The following ZFYVE21 variants were observed in gnomAD, a reference collection of about 807,000 sequenced individuals.
The protein encoded by ZFYVE21 is zinc finger FYVE domain-containing protein 21.
Under a neutral mutation model 29.5 loss-of-function variants are expected in ZFYVE21, and 21 were observed. The ratio of observed to expected loss-of-function variants is 0.71; its 90% CI spans 0.50 to 1.02. The LOEUF is 1.02. ZFYVE21 is among the 50% of genes least tolerant of loss of function. The probability of loss-of-function intolerance (pLI) is 0.00; values close to 1 mark genes in which losing one functional copy is unlikely to be tolerated. For synonymous variants in ZFYVE21, 151 were observed against 133.8 expected (o/e 1.13, Z -0.89); for missense variants, 326 against 335.4 (o/e 0.97, Z 0.22).
rs766138021 is a variant in ZFYVE21 at position 103,729,168 on chromosome 14, G to A, written c.512G>A (p.Gly171Asp). The change falls in exon 5 of 7, where the codon GGC becomes GAC. Residue 171 changes from glycine to aspartate, a missense_variant. Gly to Asp is a moderately conservative substitution (Grantham distance 94). Coordinates refer to ENST00000311141, the MANE Select transcript of ZFYVE21 (RefSeq NM_024071.4). ...HISTVQILTE[G>D]FPPGGGNARA... is the part of the protein sequence containing the mutation. ...TCCACCGTGCAGATCCTCACAGAAG[G>A]CTTCCCTCCTGGAGGTAAATGCCAG... is the stretch of plus-strand genomic sequence containing the variant. The A allele has an allele frequency of 1.2e-6, 2 of 1,614,048 alleles. No homozygotes were observed. Among genetic ancestry groups the A allele is most frequent in the South Asian group, 1.1e-5 (1 of 91,074 alleles).
At chr14:103,722,615 C>T (rs768270948) in intron 1 of ZFYVE21, among the ~76,000 whole-genome samples, 3 of 151,960 alleles carry the variant, frequency 2.0e-5, no homozygotes, top group South Asian at 2.1e-4. Context: ...GTCAGGAGAT[C>T]GAGATCATCC....
Position 103,725,010 on chromosome 14 carries a change from C to T in ZFYVE21, c.139-1782C>T, listed in dbSNP as rs1393948642. 6 of 152,262 alleles carry T rather than the reference C, an allele frequency of 3.9e-5. 1 individual carries two copies. The highest frequency in any genetic ancestry group is 4.1e-4 in the South Asian group (2 of 4,832). 9.4% of individuals were successfully genotyped at this position (152,262 alleles called of 1,614,324 possible). A position where few individuals can be genotyped will look rare whatever the true frequency, so the allele number is the denominator to read the frequency against. On this transcript the variant is annotated intron_variant, in intron 1 of 6. Coordinates refer to ENST00000311141, the MANE Select transcript of ZFYVE21 (RefSeq NM_024071.4). ...AAAGGCTGTACCGGCTTACCAAATC[C>T]GGGGACCATTTTCGTGGCAAAAGTG...
At chr14:103,723,451 G>A (rs756617004) in intron 1 of ZFYVE21, among the ~76,000 whole-genome samples, 47 of 152,240 alleles carry the variant, frequency 3.1e-4, no homozygotes, top group Non-Finnish European at 5.3e-4. Context: ...GAAGGCTGGG[G>A]TGGGCCAGGC....
In ZFYVE21 at chr14:103,715,828, G is replaced by A; in HGVS notation, c.-14G>A. ...CGGGTGCGGGGCCGCTGGCCGAGAG[G>A]CTGAGGCGGCGTCATGTCCTCCGAG... On this transcript the variant is annotated 5_prime_UTR_variant, in exon 1 of 7. Transcript: ENST00000311141. 7.2e-7 allele frequency: 1 copy of A among 1,388,090 alleles called. No individual in the cohort carries two copies. Among genetic ancestry groups the A allele is most frequent in the Non-Finnish European group, 9.4e-7 (1 of 1,063,648 alleles). The allele number at this position is 1,388,090 out of a possible 1,614,324, so 86.0% of individuals were successfully genotyped here.
intron 3 of ZFYVE21, 179 bp downstream of exon 3, chr14:103,728,093 C>T (rs965386792): frequency 7.7e-6 from 5 of 651,484 alleles, no homozygotes; most frequent in Non-Finnish European, 9.8e-6. Flanking sequence ...CCCTTCTTTT[C>T]AGAGGCGGAA....
At position 103,732,621 on chromosome 14, in the gene ZFYVE21, AGGCAACGCACG is replaced by A; in HGVS notation, c.532_542del (p.Asn178HisfsTer49). On this transcript the variant is annotated frameshift_variant and splice_region_variant, in exon 6 of 7. Coordinates refer to ENST00000311141, the MANE Select transcript of ZFYVE21 (RefSeq NM_024071.4). LOFTEE classifies it high-confidence loss of function. The stretch of plus-strand genomic sequence containing the variant: ...TCTTACCTCGTCTCTCTCCTCCAGG[AGGCAACGCACG>A]GGCCACAGGCATGTTCCTGCAGTAT... 1 of 1,569,430 alleles carries A rather than the reference AGGCAACGCACG, an allele frequency of 6.4e-7. No homozygotes were observed. Among genetic ancestry groups the A allele is most frequent in the Non-Finnish European group, 8.6e-7 (1 of 1,160,288 alleles).
intron 5 of ZFYVE21, 132 bp downstream of exon 5, chr14:103,729,314 G>A (rs780487272): frequency 1.1e-4 from 99 of 867,802 alleles, no homozygotes; most frequent in Non-Finnish European, 1.6e-4. Flanking sequence ...AGGACAATCT[G>A]CCTTTCCTCT....
At chr14:103,720,598 C>T (rs2083864251) in intron 1 of ZFYVE21, among the ~76,000 whole-genome samples, 1 of 152,146 alleles carries the variant, frequency 6.6e-6, no homozygotes, top group Non-Finnish European at 1.5e-5. Flanking sequence ...TTTAAACTCC[C>T]TAAACTATAC....
chr14:103,724,597 G>T (rs574357993), intron 1 of ZFYVE21: 5 of 152,382 alleles, frequency 3.3e-5, no homozygotes, highest in South Asian at 2.1e-4. Context: ...TGGAGCGAAG[G>T]TCTTCTCTTA....
chr14:103,730,785 A>G (rs77767735), intron 5 of ZFYVE21: 3,179 of 152,400 alleles, frequency 0.021, 60 homozygotes, highest in Middle Eastern at 0.048. Context: ...CAGATAGTAA[A>G]CCTTTGCCAG....
chr14:103,732,431 G>A, intron 5 of ZFYVE21, 189 bp from the exon 6 acceptor site: 1 of 588,802 alleles, frequency 1.7e-6, no homozygotes, highest in Non-Finnish European at 2.6e-6. Context: ...CCACCTGTGA[G>A]CTTGGGGTCT....
At chr14:103,720,676 G>A (rs1435386520) in intron 1 of ZFYVE21, among the ~76,000 whole-genome samples, 2 of 152,142 alleles carry the variant, frequency 1.3e-5, no homozygotes, top group African/African-American at 2.4e-5. Flanking sequence ...GGGGTGGGCC[G>A]GGTGCTGGTT....
chr14:103,720,158 T>C (rs927273763), intron 1 of ZFYVE21, among the ~76,000 whole-genome samples: 3 of 152,316 alleles, frequency 2.0e-5, no homozygotes, highest in Non-Finnish European at 2.9e-5. Flanking sequence ...AGGAGCCAGT[T>C]TACAACTCAT....
chr14:103,722,366 T>C (rs1254495215), intron 1 of ZFYVE21, among the ~76,000 whole-genome samples: 1 of 147,538 alleles, frequency 6.8e-6, no homozygotes, highest in Non-Finnish European at 1.5e-5. Flanking sequence ...TTTTTTTTTT[T>C]TTTTTTGAGA....
At position 103,727,148 on chromosome 14, in the gene ZFYVE21, G is replaced by A. The variant is rs2083934645; in HGVS notation, c.189+306G>A. 1.4e-5 allele frequency: 5 copies of A among 365,582 alleles called. No homozygotes were observed. In the Admixed American group the frequency reaches 1.7e-4, roughly 13 times the overall value. The allele number at this position is 365,582 out of a possible 1,614,324, so 22.6% of individuals were successfully genotyped here. On this transcript the variant is annotated intron_variant, in intron 2 of 6. Coordinates refer to ENST00000311141, the MANE Select transcript of ZFYVE21 (RefSeq NM_024071.4). ...TTTAGTAGAGATGGGGTTTCACCAT[G>A]TTGGCCAGGCTGGTCTCGAACTCCT...
At chr14:103,730,033 AC>A in intron 5 of ZFYVE21, 1 of 645,374 alleles carries the variant, frequency 1.5e-6, no homozygotes, top group Non-Finnish European at 2.6e-6. Context: ...AAATGAAGAT[AC>A]CGCAGCAGAT....
Position 103,716,035 on chromosome 14 carries a change from G to A in ZFYVE21, c.138+56G>A. 8.5e-7 allele frequency: 1 copy of A among 1,178,538 alleles called. No individual in the cohort carries two copies. Among genetic ancestry groups the A allele is most frequent in the Non-Finnish European group, 1.1e-6 (1 of 951,868 alleles). The allele number at this position is 1,178,538 out of a possible 1,614,324, so 73.0% of individuals were successfully genotyped here. ...CGACCCGCCCCGCCGCCCCGGCCCG[G>A]CCCCGCGGGCTTCCAGGCTCCCGCG... On this transcript the variant is annotated intron_variant, in intron 1 of 6. Coordinates refer to ENST00000311141, the MANE Select transcript of ZFYVE21 (RefSeq NM_024071.4). This position sits in a 1 kb window ranked among gnomAD's most constrained non-coding sequence, Gnocchi z 4.8.
rs2084009879 is a variant in ZFYVE21 at position 103,733,602 on chromosome 14, T to C, written c.*584T>C. The stretch of plus-strand genomic sequence containing the variant: ...GTACTTTTCACTCACTATTTCACTT[T>C]ATTAAGATGACTGTACAGCAATTTG... On this transcript the variant is annotated 3_prime_UTR_variant, in exon 7 of 7. Transcript: ENST00000311141. 6.5e-6 allele frequency: 1 copy of C among 153,072 alleles called. No homozygotes were observed. Among genetic ancestry groups the C allele is most frequent in the African/African-American group, 2.4e-5 (1 of 41,468 alleles). 9.5% of individuals were successfully genotyped at this position (153,072 alleles called of 1,614,324 possible).
intron 1 of ZFYVE21, among the ~76,000 whole-genome samples, chr14:103,718,135 T>C (rs919440077): frequency 2.0e-5 from 3 of 152,114 alleles, no homozygotes; most frequent in Admixed American, 6.5e-5. Context: ...TTTGAGGTGG[T>C]TTGGAATGGG....
Sources: gnomAD v4.1 joint callset for allele counts (sites outside exome capture counted in the v4.1 genomes callset) on GRCh38, gnomAD v4.1.1 for gene constraint, Gnocchi (gnomAD v3.1) non-coding constraint, MANE v1.5 for transcripts, NCBI Gene and HGNC (gene_info 2026-07-23, HGNC 2026-07-21) for gene names.